Variants in CAMTA1 observed in about 807,000 individuals in gnomAD.
The protein encoded by CAMTA1 is calmodulin-binding transcription activator 1.
In CAMTA1, 27 loss-of-function variants were observed where a neutral mutation model predicts 170.9. That is an observed-to-expected ratio of 0.16 (90% confidence interval 0.12 to 0.22). CAMTA1 has a LOEUF of 0.22. CAMTA1 is among the 10% of genes least tolerant of loss of function. The pLI is 1.00. For synonymous variants in CAMTA1, 833 were observed against 891.5 expected (o/e 0.93, Z 1.17); for missense variants, 1,619 against 2,217.2 (o/e 0.73, Z 5.42).
chr1:7,507,578 T>C (rs1218256104), intron 6 of CAMTA1, among the ~76,000 whole-genome samples: 1 of 152,210 alleles, frequency 6.6e-6, no homozygotes, highest in Non-Finnish European at 1.5e-5. Flanking sequence ...GAAAGTGGCT[T>C]GACTCAAATT....
intron 5 of CAMTA1, among the ~76,000 whole-genome samples, chr1:7,451,395 G>A (rs934739052): frequency 5.9e-5 from 9 of 152,108 alleles, no homozygotes; most frequent in Non-Finnish European, 1.0e-4. Context: ...CCAGGTGGCC[G>A]CCCTCGCCAC....
At chr1:7,744,002 A>AT in intron 16 of CAMTA1, among the ~76,000 whole-genome samples, 1 of 147,448 alleles carries the variant, frequency 6.8e-6, no homozygotes, top group East Asian at 2.0e-4. Flanking sequence ...AATTTTTTGT[A>AT]TTTTTTAATA....
chr1:6,868,116 G>GTTTTTTTTTTTTTTTTTTTTTTTT (rs1667222328), intron 3 of CAMTA1, among the ~76,000 whole-genome samples: 1 of 151,954 alleles, frequency 6.6e-6, no homozygotes, highest in Admixed American at 6.6e-5. Flanking sequence ...GGCCTGGGTA[G>GTTTTTTTTTTTTTTTTTTTTTTTT]TTCTTTTTAA....
At chr1:6,816,621 C>T (rs1645846290) in intron 1 of CAMTA1, among the ~76,000 whole-genome samples, 1 of 152,214 alleles carries the variant, frequency 6.6e-6, no homozygotes, top group Non-Finnish European at 1.5e-5. Context: ...GAACCCAGAT[C>T]TGACTTGAAA....
rs1240091885 is a variant in CAMTA1 at position 7,732,326 on chromosome 1, C to T, written c.2915-122C>T. The T allele has an allele frequency of 6.4e-6, 5 of 779,716 alleles. No homozygotes were observed. The highest frequency in any genetic ancestry group is 1.1e-5 in the Non-Finnish European group (5 of 458,778). The allele number at this position is 779,716 out of a possible 1,614,324, so 48.3% of individuals were successfully genotyped here. ...CTGGGGAACTCTGGCTGGCGGAGAC[C>T]TCTCTGGTTTGGTGAAGTTACGGAC... On this transcript the variant is annotated intron_variant, in intron 11 of 22. Coordinates refer to ENST00000303635, the MANE Select transcript of CAMTA1 (RefSeq NM_015215.4). This position sits in a 1 kb window ranked among gnomAD's most constrained non-coding sequence, Gnocchi z 4.1.
intron 3 of CAMTA1, among the ~76,000 whole-genome samples, chr1:6,979,652 C>G (rs1694075957): frequency 1.3e-5 from 2 of 152,188 alleles, no homozygotes; most frequent in Non-Finnish European, 2.9e-5. Flanking sequence ...TACCATCTCC[C>G]TAAAACACTT....
chr1:6,888,216 G>A (rs1673742126), intron 3 of CAMTA1: 1 of 985,948 alleles, frequency 1.0e-6, no homozygotes, highest in South Asian at 4.7e-5. Context: ...TGGGTCACTT[G>A]CGTCGCATCC....
chr1:6,868,317 TTA>T (rs1491551714), intron 3 of CAMTA1, among the ~76,000 whole-genome samples: 2 of 146,742 alleles, frequency 1.4e-5, no homozygotes, highest in African/African-American at 5.2e-5. Context: ...TTTTTTTTTT[TTA>T]AAAACAAAAC....
intron 5 of CAMTA1, among the ~76,000 whole-genome samples, chr1:7,278,374 C>T (rs755181831): frequency 1.3e-5 from 2 of 152,182 alleles, no homozygotes; most frequent in African/African-American, 2.4e-5. Context: ...GGGAACTGTA[C>T]AGCTCACTCT....
intron 6 of CAMTA1, among the ~76,000 whole-genome samples, chr1:7,567,757 G>A (rs2095060839): frequency 6.6e-6 from 1 of 152,166 alleles, no homozygotes; most frequent in African/African-American, 2.4e-5. Flanking sequence ...TGGGCAGTCA[G>A]TCTATGGACT....
At chr1:7,055,796 A>G (rs906781445) in intron 3 of CAMTA1, among the ~76,000 whole-genome samples, 2 of 152,196 alleles carry the variant, frequency 1.3e-5, no homozygotes, top group Non-Finnish European at 2.9e-5. Context: ...GCCCAGGCAC[A>G]CTGGGGGCCC....
chr1:7,464,762 AGC>A (rs2093171157), intron 5 of CAMTA1, among the ~76,000 whole-genome samples: 2 of 152,086 alleles, frequency 1.3e-5, no homozygotes, highest in African/African-American at 4.8e-5. Context: ...GGGTCCAAGG[AGC>A]ATCCCGAGGG....
chr1:7,115,537 G>A lies in CAMTA1; in HGVS notation c.302+24166G>A, dbSNP rs537443104. Reference sequence around the variant, plus strand: ...GATGGTGGTGTTCCAGTGTGAGTCCGAAAAATCTAAGAACCAGGAGAGCTG... The same window carrying A: ...GATGGTGGTGTTCCAGTGTGAGTCCAAAAAATCTAAGAACCAGGAGAGCTG... On this transcript the variant is annotated intron_variant, in intron 4 of 22. Transcript: ENST00000303635. Among the ~76,000 whole-genome samples, 9 of 76,928 alleles carry A rather than the reference G, an allele frequency of 1.2e-4. 1 individual carries two copies. Among genetic ancestry groups the A allele is most frequent in the African/African-American group, 4.2e-4 (7 of 16,768 alleles). 50.5% of individuals were successfully genotyped at this position (76,928 alleles called of 152,430 possible). A position where few individuals can be genotyped will look rare whatever the true frequency, so the allele number is the denominator to read the frequency against.
intron 1 of CAMTA1, among the ~76,000 whole-genome samples, chr1:6,794,657 A>G (rs1033538264): frequency 6.6e-6 from 1 of 152,204 alleles, no homozygotes; most frequent in African/African-American, 2.4e-5. Context: ...TCCCTGGGAA[A>G]CATTAGACAT....
chr1:6,800,679 A>G (rs912125384), intron 1 of CAMTA1, among the ~76,000 whole-genome samples: 38 of 152,202 alleles, frequency 2.5e-4, no homozygotes, highest in African/African-American at 9.2e-4. Context: ...ATCGATTCCC[A>G]GTAATTCAGT....
At chr1:7,715,843 T>C (rs1363406486) in intron 11 of CAMTA1, among the ~76,000 whole-genome samples, 1 of 152,138 alleles carries the variant, frequency 6.6e-6, no homozygotes, top group African/African-American at 2.4e-5. Context: ...AGCCGAGACA[T>C]GAAAGAATCC....
chr1:7,218,958 C>A (rs968115661), intron 4 of CAMTA1, among the ~76,000 whole-genome samples: 3 of 152,072 alleles, frequency 2.0e-5, no homozygotes, highest in Non-Finnish European at 4.4e-5. Context: ...ACCTTGGCGA[C>A]CTGGAAGTCC....
chr1:7,726,625 A>G lies in CAMTA1; in HGVS notation c.2915-5823A>G, dbSNP rs1016622896. On this transcript the variant is annotated intron_variant, in intron 11 of 22. Coordinates refer to ENST00000303635, the MANE Select transcript of CAMTA1 (RefSeq NM_015215.4). ...CGTCTGTCATCCTCATGTCTTCAAC[A>G]GGAGGCCAGCCTGTGTTACTAGAAA... Among the ~76,000 whole-genome samples, 27 of 152,316 alleles carry G rather than the reference A, an allele frequency of 1.8e-4. 1 individual carries two copies. The highest frequency in any genetic ancestry group is 6.3e-4 in the African/African-American group (26 of 41,562).
intron 4 of CAMTA1, among the ~76,000 whole-genome samples, chr1:7,110,549 G>A (rs1643964135): frequency 1.3e-5 from 2 of 152,208 alleles, no homozygotes; most frequent in South Asian, 4.1e-4. Flanking sequence ...CCTGCTACGG[G>A]GGAGAGTGAG....
Sources: allele counts gnomAD v4.1 joint callset (sites outside exome capture counted in the v4.1 genomes callset), GRCh38; gene constraint gnomAD v4.1.1; non-coding constraint Gnocchi (gnomAD v3.1); transcripts MANE v1.5; gene names NCBI Gene and HGNC (gene_info 2026-07-23, HGNC 2026-07-21).